The following ELP3 variants were observed in gnomAD, a reference collection of about 807,000 sequenced individuals.
The protein encoded by ELP3 is elongator complex protein 3.
A neutral mutation model predicts 74.9 loss-of-function variants in ELP3; 56 were observed. The observed-to-expected ratio is 0.75, with a 90% CI of 0.60 to 0.93. The LOEUF is 0.93. Ranked by LOEUF, ELP3 falls within the 40% of genes least tolerant of loss-of-function variation. ELP3 has a pLI of 0.00. For missense variants in ELP3, 573 were observed against 686.5 expected, an observed-to-expected ratio of 0.83 and a Z score of 1.85; for synonymous variants, 222 against 239.8, an observed-to-expected ratio of 0.93 and a Z score of 0.68.
intron 14 of ELP3, among the ~76,000 whole-genome samples, chr8:28,179,494 AT>A (rs1437561845): frequency 1.3e-5 from 2 of 152,100 alleles, no homozygotes; most frequent in Non-Finnish European, 2.9e-5. Flanking sequence ...GTGGAAGACA[AT>A]TTTTCCACAG....
intron 5 of ELP3, among the ~76,000 whole-genome samples, chr8:28,110,019 G>A (rs1348340376): frequency 6.6e-6 from 1 of 152,164 alleles, no homozygotes; most frequent in Non-Finnish European, 1.5e-5. Flanking sequence ...TATTTTAGAA[G>A]CTTACTTAAA....
intron 1 of ELP3, chr8:28,093,464 T>G (rs1811127161): frequency 1.7e-6 from 1 of 597,814 alleles, no homozygotes; most frequent in Non-Finnish European, 2.9e-6. Context: ...ACGTGGTGTC[T>G]TGTTTGAATG....
chr8:28,092,865 C>T (rs1407663018), upstream of ELP3: 2 of 314,860 alleles, frequency 6.4e-6, no homozygotes, highest in East Asian at 2.0e-4. Flanking sequence ...CACCCTTTCA[C>T]TTAGGCTTCC....
At chr8:28,142,235 G>A (rs1436026024) in intron 10 of ELP3, among the ~76,000 whole-genome samples, 2 of 152,166 alleles carry the variant, frequency 1.3e-5, no homozygotes, top group Admixed American at 6.5e-5. Context: ...CATATGATAA[G>A]AAAGGCATGA....
chr8:28,170,796 A>G (rs1037283736), intron 14 of ELP3, among the ~76,000 whole-genome samples: 2 of 152,166 alleles, frequency 1.3e-5, no homozygotes, highest in Non-Finnish European at 2.9e-5. Flanking sequence ...CATTATTTAC[A>G]TTTACAGTGT....
chr8:28,159,995 G>A (rs568522750), intron 12 of ELP3, among the ~76,000 whole-genome samples: 5 of 152,292 alleles, frequency 3.3e-5, no homozygotes, highest in Admixed American at 3.3e-4. Context: ...GGTTAATGAA[G>A]TTCAAGTATT....
chr8:28,091,114 G>A (rs1443393366), upstream of ELP3, among the ~76,000 whole-genome samples: 1 of 151,894 alleles, frequency 6.6e-6, no homozygotes, highest in Admixed American at 6.6e-5. Flanking sequence ...CATCATGTTA[G>A]CCAGGATGGT....
intron 10 of ELP3, 36 bp from the exon 11 acceptor site, chr8:28,155,906 A>C (rs1446411553): frequency 6.5e-7 from 1 of 1,534,702 alleles, no homozygotes; most frequent in Non-Finnish European, 9.0e-7. Context: ...AATGATTTCT[A>C]TTTTGCAACA....
intron 7 of ELP3, among the ~76,000 whole-genome samples, chr8:28,118,426 G>A (rs772622187): frequency 5.9e-5 from 9 of 152,178 alleles, no homozygotes; most frequent in Non-Finnish European, 1.3e-4. Flanking sequence ...ATATATTCTC[G>A]TGGATGGATA....
chr8:28,184,497 C>T (rs1425579823), intron 14 of ELP3, among the ~76,000 whole-genome samples: 1 of 152,140 alleles, frequency 6.6e-6, no homozygotes, highest in East Asian at 1.9e-4. Flanking sequence ...CCGTGGGAAT[C>T]ATGATGAGAA....
Position 28,160,307 on chromosome 8 carries a change from A to G in ELP3, c.1336A>G (p.Ile446Val), listed in dbSNP as rs765191984. Reference protein sequence around the residue: ...FLSYEDPDQDILIGLLRLRKC... With the variant: ...FLSYEDPDQDVLIGLLRLRKC... ...GTCATACGAAGACCCAGATCAAGAC[A>G]TTTTGATTGGCCTCCTACGATTACG... The change falls in exon 13 of 15, where the codon ATT becomes GTT. Residue 446 changes from isoleucine to valine, a missense_variant. Coordinates refer to ENST00000256398, the MANE Select transcript of ELP3 (RefSeq NM_018091.6). The G allele has an allele frequency of 5.6e-6, 9 of 1,614,168 alleles. No individual in the cohort carries two copies. The Admixed American group carries it at 6.7e-5, about 12-fold the overall frequency.
intron 10 of ELP3, among the ~76,000 whole-genome samples, chr8:28,140,783 T>C (rs558357993): frequency 1.3e-5 from 2 of 152,158 alleles, no homozygotes; most frequent in African/African-American, 4.8e-5. Flanking sequence ...TGCTCCTGAG[T>C]GCAGGAAGGC....
At position 28,190,601 on chromosome 8, in the gene ELP3, G is replaced by T. The variant is rs564309220; in HGVS notation, c.*876G>T. 2 of 149,474 alleles carry T rather than the reference G, an allele frequency of 1.3e-5. No individual in the cohort carries two copies. The highest frequency in any genetic ancestry group is 6.7e-5 in the Admixed American group (1 of 14,868). 9.3% of individuals were successfully genotyped at this position (149,474 alleles called of 1,614,324 possible). A position where few individuals can be genotyped will look rare whatever the true frequency, so the allele number is the denominator to read the frequency against. On this transcript the variant is annotated 3_prime_UTR_variant, in exon 15 of 15. Coordinates refer to ENST00000256398, the MANE Select transcript of ELP3 (RefSeq NM_018091.6). ...TTTTTTTTTTTTCTGAGAAAGTCTC[G>T]CTGTGTCACCCAGGCTGGAGTGCAG...
intron 7 of ELP3, among the ~76,000 whole-genome samples, chr8:28,126,108 G>C (rs896361835): frequency 6.6e-6 from 1 of 152,128 alleles, no homozygotes; most frequent in Non-Finnish European, 1.5e-5. Context: ...CTGTCCAGAT[G>C]GAGAGACAGA....
chr8:28,158,050 C>CA (rs11323782), intron 11 of ELP3, among the ~76,000 whole-genome samples: 1,100 of 93,510 alleles, frequency 0.012, 25 homozygotes, highest in Non-Finnish European at 0.017. Flanking sequence ...GCCCTTCTTG[C>CA]AAAAAAAAAA....
chr8:28,119,572 T>TTATA (rs72105276), intron 7 of ELP3, among the ~76,000 whole-genome samples: 6 of 46,776 alleles, frequency 1.3e-4, no homozygotes, highest in African/African-American at 1.9e-4. Context: ...TTGTGGCGTT[T>TTATA]TATATATATA....
At chr8:28,133,158 G>T (rs919235982) in intron 9 of ELP3, among the ~76,000 whole-genome samples, 1 of 151,996 alleles carries the variant, frequency 6.6e-6, no homozygotes, top group Non-Finnish European at 1.5e-5. Flanking sequence ...ATCAATAAAA[G>T]TGCCATTTTA....
intron 10 of ELP3, among the ~76,000 whole-genome samples, chr8:28,150,364 T>C (rs1441291981): frequency 6.6e-6 from 1 of 152,218 alleles, no homozygotes. Context: ...TCTAAAGAAT[T>C]TCTTTTAACG....
intron 10 of ELP3, among the ~76,000 whole-genome samples, chr8:28,144,564 A>C (rs1013930013): frequency 1.3e-5 from 2 of 152,188 alleles, no homozygotes; most frequent in African/African-American, 4.8e-5. Context: ...AGGCTGCAAT[A>C]AGATGTAATT....
Sources: gnomAD v4.1 joint callset for allele counts (sites outside exome capture counted in the v4.1 genomes callset) on GRCh38, gnomAD v4.1.1 for gene constraint, MANE v1.5 for transcripts, NCBI Gene and HGNC (gene_info 2026-07-23, HGNC 2026-07-21) for gene names.